The following PHACTR3 variants were observed in gnomAD, a reference collection of about 807,000 sequenced individuals.
The protein encoded by PHACTR3 is phosphatase and actin regulator 3, also known as protein phosphatase 1, regulatory subunit 123.
In PHACTR3, 16 loss-of-function variants were observed where a neutral mutation model predicts 66.8. The ratio of observed to expected loss-of-function variants is 0.24; its 90% CI spans 0.16 to 0.36. PHACTR3 has a LOEUF of 0.36. Ranked by LOEUF, PHACTR3 falls within the 10% of genes least tolerant of loss-of-function variation. The pLI, the probability that PHACTR3 is intolerant of heterozygous loss-of-function variation, is 1.00. For synonymous variants in PHACTR3, 323 were observed against 292.1 expected, an observed-to-expected ratio of 1.11 and a Z score of -1.08; for missense variants, 647 against 719.9, an observed-to-expected ratio of 0.90 and a Z score of 1.16.
rs990927111 is a variant in PHACTR3, at chr20:59,604,788, G to A, written c.-227G>A. On this transcript the variant is annotated 5_prime_UTR_variant, in exon 1 of 13. Coordinates refer to ENST00000371015, the MANE Select transcript of PHACTR3 (RefSeq NM_080672.5). ...AACAAAGCGAGGCCGCGCACGCCGG[G>A]ATGCGCCTGGCTGCAGCCGGCGAGG... 8.3e-7 allele frequency: 1 copy of A among 1,202,134 alleles called. No individual in the cohort carries two copies. Among genetic ancestry groups the A allele is most frequent in the African/African-American group, 1.6e-5 (1 of 63,514 alleles). 74.5% of individuals were successfully genotyped at this position (1,202,134 alleles called of 1,614,324 possible). A position where few individuals can be genotyped will look rare whatever the true frequency, so the allele number is the denominator to read the frequency against.
intron 8 of PHACTR3, among the ~76,000 whole-genome samples, chr20:59,806,897 T>C (rs1420598531): frequency 1.3e-5 from 2 of 152,188 alleles, no homozygotes; most frequent in African/African-American, 4.8e-5. Flanking sequence ...CACGTTATGG[T>C]ATAGAAACAT....
chr20:59,715,148 G>T (rs1486877250), intron 1 of PHACTR3, among the ~76,000 whole-genome samples: 1 of 151,752 alleles, frequency 6.6e-6, no homozygotes, highest in Non-Finnish European at 1.5e-5. Context: ...ATTCCTTGTT[G>T]TTCTGGTTAA....
At chr20:59,831,668 C>T (rs973091423) in intron 8 of PHACTR3, among the ~76,000 whole-genome samples, 11 of 152,206 alleles carry the variant, frequency 7.2e-5, no homozygotes, top group Non-Finnish European at 1.3e-4. Flanking sequence ...CTTCCAAAGC[C>T]CAGCTATGCT....
intron 5 of PHACTR3, among the ~76,000 whole-genome samples, chr20:59,772,882 C>T (rs944361419): frequency 7.2e-5 from 11 of 152,156 alleles, no homozygotes; most frequent in Non-Finnish European, 1.5e-4. Flanking sequence ...GAGGGCAGAG[C>T]GGACCATGGT....
chr20:59,593,417 G>A (rs1385904699), intron 1 of PHACTR3, among the ~76,000 whole-genome samples: 1 of 151,774 alleles, frequency 6.6e-6, no homozygotes, highest in Non-Finnish European at 1.5e-5. Flanking sequence ...TTTTTTAGGT[G>A]TCTTTTACAA....
At chr20:59,813,600 G>C (rs1019632570) in intron 8 of PHACTR3, among the ~76,000 whole-genome samples, 19 of 152,222 alleles carry the variant, frequency 1.2e-4, no homozygotes, top group African/African-American at 4.3e-4. Flanking sequence ...AAGATGTACA[G>C]AGATAGATGT....
At chr20:59,773,621 T>G (rs902475594) in intron 6 of PHACTR3, among the ~76,000 whole-genome samples, 168 bp downstream of exon 6, 3 of 152,244 alleles carry the variant, frequency 2.0e-5, no homozygotes, top group Non-Finnish European at 4.4e-5. Flanking sequence ...CTCTGCAGAT[T>G]GCATAGCTGA....
At position 59,577,579 on chromosome 20, in the gene PHACTR3, C is replaced by T. The variant is rs529364540; in HGVS notation, c.71C>T (p.Ala24Val). The T allele has an allele frequency of 2.0e-4, 242 of 1,208,166 alleles. 1 individual carries two copies. The African/African-American group carries it at 3.6e-3, about 18-fold the overall frequency. 74.8% of individuals were successfully genotyped at this position (1,208,166 alleles called of 1,614,324 possible). Reference sequence around the variant, plus strand: ...CGCTCGCTGCTGGGCGCCTTCGGGGCCCGGGACGCTGCCGCCGCCGCCCGA... The same window carrying T: ...CGCTCGCTGCTGGGCGCCTTCGGGGTCCGGGACGCTGCCGCCGCCGCCCGA... The change falls in exon 1 of 13, where the codon GCC (alanine) becomes GTC (valine). Residue 24 changes from alanine to valine, a missense_variant. Coordinates refer to the PHACTR3 transcript ENST00000359926.
intron 1 of PHACTR3, chr20:59,676,568 G>C (rs1441127966): frequency 3.7e-6 from 1 of 272,058 alleles, no homozygotes; most frequent in African/African-American, 2.3e-5. Context: ...CAATTGCAGT[G>C]CTGCGCCGGG....
At chr20:59,701,881 A>T (rs1449389483) in intron 1 of PHACTR3, among the ~76,000 whole-genome samples, 2 of 152,192 alleles carry the variant, frequency 1.3e-5, no homozygotes, top group Non-Finnish European at 2.9e-5. Context: ...CTTCTGCAGA[A>T]CCCCTGGCAA....
At chr20:59,764,542 AC>A (rs948168823) in intron 4 of PHACTR3, among the ~76,000 whole-genome samples, 1 of 152,192 alleles carries the variant, frequency 6.6e-6, no homozygotes, top group Non-Finnish European at 1.5e-5. Context: ...ACTGAGACTC[AC>A]TAAGCAAGGT....
At chr20:59,734,475 C>A (rs1487553753) in intron 1 of PHACTR3, among the ~76,000 whole-genome samples, 1 of 152,114 alleles carries the variant, frequency 6.6e-6, no homozygotes, top group Non-Finnish European at 1.5e-5. Context: ...CCAGGCTGGG[C>A]TTGAACTCAT....
intron 1 of PHACTR3, among the ~76,000 whole-genome samples, chr20:59,580,259 C>A (rs1301322119): frequency 6.6e-6 from 1 of 152,110 alleles, no homozygotes; most frequent in Non-Finnish European, 1.5e-5. Flanking sequence ...CAAGGAAGAA[C>A]CAGGCTGTGT....
At chr20:59,658,874 TA>T (rs767081169) in intron 1 of PHACTR3, among the ~76,000 whole-genome samples, 2 of 152,128 alleles carry the variant, frequency 1.3e-5, no homozygotes, top group Non-Finnish European at 2.9e-5. Flanking sequence ...TCCTCTCTGA[TA>T]AACTATCTGG....
chr20:59,674,372 CTGTT>C lies in PHACTR3; in HGVS notation c.119-68734_119-68731del, dbSNP rs1601066797. ...CCCACTCTGCCCTCTTCCCCTTCTC[CTGTT>C]CCTTCCCCTTCTCCTGTTCCTCCTT... is the stretch of plus-strand genomic sequence containing the variant. On this transcript the variant is annotated intron_variant, in intron 1 of 12. Coordinates refer to ENST00000371015, the MANE Select transcript of PHACTR3 (RefSeq NM_080672.5). Among the ~76,000 whole-genome samples the C allele has an allele frequency of 6.2e-5, 9 of 144,732 alleles. No individual in the cohort carries two copies. In the East Asian group the frequency reaches 8.6e-4, roughly 14 times the overall value. 94.9% of individuals were successfully genotyped at this position (144,732 alleles called of 152,430 possible).
intron 4 of PHACTR3, among the ~76,000 whole-genome samples, chr20:59,766,050 G>T (rs1040207377): frequency 6.6e-6 from 1 of 152,232 alleles, no homozygotes; most frequent in African/African-American, 2.4e-5. Context: ...AGGGAAGGAA[G>T]AATAGAGATG....
At chr20:59,743,723 AC>A (rs1010126255) in intron 2 of PHACTR3, among the ~76,000 whole-genome samples, 6 of 152,098 alleles carry the variant, frequency 3.9e-5, no homozygotes, top group African/African-American at 1.4e-4. Flanking sequence ...CCTGGGTCGT[AC>A]CCCCACAGAT....
At chr20:59,752,900 G>C (rs2039652067) in intron 3 of PHACTR3, among the ~76,000 whole-genome samples, 1 of 152,192 alleles carries the variant, frequency 6.6e-6, no homozygotes, top group South Asian at 2.1e-4. Flanking sequence ...CACATTCCCT[G>C]TGTGTTGCCA....
At chr20:59,666,996 TG>T (rs2036016814) in intron 1 of PHACTR3, among the ~76,000 whole-genome samples, 1 of 152,236 alleles carries the variant, frequency 6.6e-6, no homozygotes. Context: ...GACCCATGCT[TG>T]GGGAGCAACG....
Sources: allele counts gnomAD v4.1 joint callset (sites outside exome capture counted in the v4.1 genomes callset), GRCh38; gene constraint gnomAD v4.1.1; transcripts MANE v1.5; gene names NCBI Gene and HGNC (gene_info 2026-07-23, HGNC 2026-07-21).